PKD1L1: variants seen among roughly 807,000 people sequenced by gnomAD.
PKD1L1 encodes the protein polycystin-1-like protein 1.
Under a neutral mutation model 323.4 loss-of-function variants are expected in PKD1L1, and 236 were observed. That is an observed-to-expected ratio of 0.73 (90% CI 0.66 to 0.81). The LOEUF is 0.81. PKD1L1 is among the 40% of genes least tolerant of loss of function. PKD1L1 has a pLI of 0.00. For missense variants in PKD1L1, 3,320 were observed against 3,508.0 expected, an observed-to-expected ratio of 0.95 and a Z score of 1.35; for synonymous variants, 1,344 against 1,335.0, an observed-to-expected ratio of 1.01 and a Z score of -0.15.
At chr7:47,894,760 A>G (rs941768284) in intron 14 of PKD1L1, among the ~76,000 whole-genome samples, 1 of 151,908 alleles carries the variant, frequency 6.6e-6, no homozygotes, top group African/African-American at 2.4e-5. Flanking sequence ...CAGAGGCACA[A>G]GAATCGCTTG....
intron 24 of PKD1L1, 95 bp from the exon 25 acceptor site, chr7:47,866,709 T>C: frequency 9.5e-7 from 1 of 1,050,484 alleles, no homozygotes; most frequent in Non-Finnish European, 1.4e-6. Context: ...GTTGCAAAAA[T>C]ACCTCTTGGA....
chr7:47,878,276 C>T (rs145566523), intron 21 of PKD1L1, among the ~76,000 whole-genome samples: 232 of 152,292 alleles, frequency 1.5e-3, no homozygotes, highest in African/African-American at 5.1e-3. Context: ...CTAATACGCA[C>T]AATTATTATC....
At chr7:47,794,767 G>C (rs986031676) in intron 55 of PKD1L1, among the ~76,000 whole-genome samples, 1 of 152,204 alleles carries the variant, frequency 6.6e-6, no homozygotes, top group Non-Finnish European at 1.5e-5. Flanking sequence ...CAGGGGCAGA[G>C]CTGCCCAAGA....
At chr7:47,813,891 C>A in intron 48 of PKD1L1, 40 bp downstream of exon 48, 2 of 1,553,300 alleles carry the variant, frequency 1.3e-6, no homozygotes, top group South Asian at 1.1e-5. Flanking sequence ...TTCTCTAATT[C>A]CATTTATTCT....
chr7:47,861,618 C>G (rs1051110052), intron 26 of PKD1L1, among the ~76,000 whole-genome samples: 3 of 152,184 alleles, frequency 2.0e-5, no homozygotes, highest in Non-Finnish European at 2.9e-5. Flanking sequence ...TACGGTGGCT[C>G]ACGCCTGTAA....
In PKD1L1 at chr7:47,791,065, TTC is replaced by T. The variant is rs536226060; in HGVS notation, c.8526+1560_8526+1561del. ...CTAGTTTTAATAGATGTGAATCCAT[TTC>T]TTCCCTGGGACACAGTTCTTTTTTA... is the stretch of plus-strand genomic sequence containing the variant. On this transcript the variant is annotated intron_variant, in intron 56 of 56. Coordinates refer to ENST00000289672, the MANE Select transcript of PKD1L1 (RefSeq NM_138295.5). 3.9e-5 allele frequency among the ~76,000 whole-genome samples: 6 copies of T among 152,296 alleles called. No individual in the cohort carries two copies. In the East Asian group the frequency reaches 1.2e-3, roughly 29 times the overall value.
intron 55 of PKD1L1, chr7:47,795,234 T>C: frequency 2.6e-6 from 1 of 379,622 alleles, no homozygotes; most frequent in South Asian, 1.9e-5. Context: ...TCCCACATGT[T>C]GTGGGAGGGA....
chr7:47,946,274 C>G lies in PKD1L1; in HGVS notation c.44+2123G>C, dbSNP rs1333514296. Among the ~76,000 whole-genome samples the G allele has an allele frequency of 6.6e-6, 1 of 152,032 alleles. No individual in the cohort carries two copies. Among genetic ancestry groups the G allele is most frequent in the African/African-American group, 2.4e-5 (1 of 41,372 alleles). On this transcript the variant is annotated intron_variant, in intron 1 of 56. Coordinates refer to ENST00000289672, the MANE Select transcript of PKD1L1 (RefSeq NM_138295.5). The surrounding 1 kb of genome is among the most constrained non-coding windows in gnomAD (Gnocchi z 4.1). ...TTACATGACAGATCTCTTAGAATCC[C>G]TTAAGAGTGAGTGTTTTTCGGGGCC...
At chr7:47,794,593 A>T (rs1432918931) in intron 55 of PKD1L1, among the ~76,000 whole-genome samples, 1 of 152,172 alleles carries the variant, frequency 6.6e-6, no homozygotes, top group Non-Finnish European at 1.5e-5. Flanking sequence ...CTGCTAGGGC[A>T]GTGTGGAAGG....
chr7:47,811,989 C>G lies in PKD1L1; in HGVS notation c.7409G>C (p.Arg2470Thr), dbSNP rs1367939703. 1.9e-6 allele frequency: 3 copies of G among 1,592,508 alleles called. No homozygotes were observed. The highest frequency in any genetic ancestry group is 2.6e-6 in the Non-Finnish European group (3 of 1,169,608). Residue 2470 changes from arginine (R) to threonine (T), a missense_variant, in exon 50 of 57, where the codon AGG becomes ACG. Coordinates refer to ENST00000289672, the MANE Select transcript of PKD1L1 (RefSeq NM_138295.5). ...RASMWIDRST[R>T]AVSVHFTLYN... Reference sequence around the variant, plus strand: ...GAGAGTGAAGTGCACAGACACAGCCCTGGTGCTGCGGTCAATCCACATGCT... The same window carrying G: ...GAGAGTGAAGTGCACAGACACAGCCGTGGTGCTGCGGTCAATCCACATGCT...
chr7:47,893,946 G>A lies in PKD1L1; in HGVS notation c.2385C>T (p.Thr795=), dbSNP rs141659283. 21 of 1,613,926 alleles carry A rather than the reference G, an allele frequency of 1.3e-5. No homozygotes were observed. Among genetic ancestry groups the A allele is most frequent in the Middle Eastern group, 1.6e-4 (1 of 6,080 alleles). The change falls in exon 15 of 57, where the codon ACC becomes ACT. Residue 795 remains threonine, a synonymous_variant. Transcript: ENST00000289672. Reference sequence around the variant, plus strand: ...CTCTGAGGACAATGGGGGATGAGGTGGTCCTGGAGAAGAATAGGTGTGTGC... The same window carrying A: ...CTCTGAGGACAATGGGGGATGAGGTAGTCCTGGAGAAGAATAGGTGTGTGC... ...SEGTHLFFSR[T]TSSPIVLRGT... is the part of the protein sequence containing the mutation.
intron 21 of PKD1L1, among the ~76,000 whole-genome samples, chr7:47,879,505 C>T: frequency 6.6e-6 from 1 of 151,546 alleles, no homozygotes; most frequent in East Asian, 1.9e-4. Context: ...TGGTGGCAGG[C>T]AGCTGTAATC....
intron 52 of PKD1L1, among the ~76,000 whole-genome samples, chr7:47,805,562 T>G (rs1232957915): frequency 6.6e-6 from 1 of 152,244 alleles, no homozygotes; most frequent in Admixed American, 6.5e-5. Flanking sequence ...AAACATGGTC[T>G]ACACTGCACA....
At chr7:47,805,124 C>T (rs1784750929) in intron 52 of PKD1L1, among the ~76,000 whole-genome samples, 1 of 151,348 alleles carries the variant, frequency 6.6e-6, no homozygotes, top group Non-Finnish European at 1.5e-5. Context: ...CACACACATT[C>T]AAATCCTAGC....
intron 46 of PKD1L1, 76 bp downstream of exon 46, chr7:47,821,000 A>C: frequency 4.7e-6 from 4 of 842,916 alleles, no homozygotes; most frequent in Non-Finnish European, 7.8e-6. Context: ...TGGGATGTGA[A>C]ACATGGGGAA....
At chr7:47,811,672 G>T in intron 50 of PKD1L1, 145 bp downstream of exon 50, 1 of 670,724 alleles carries the variant, frequency 1.5e-6, no homozygotes, top group Non-Finnish European at 2.5e-6. Context: ...GATGCTTGCT[G>T]CAAGAAGGGG....
rs998671187 is a variant in PKD1L1 at position 47,894,022 on chromosome 7, C to T, written c.2309G>A (p.Cys770Tyr). Reference protein sequence around the residue: ...IEGSVVYSNYCVGLEVRAQAP... With the variant: ...IEGSVVYSNYYVGLEVRAQAP... ...CTGGGCTCGCACCTCCAGGCCCACA[C>T]AGTAGTTGCTGTACACCACACTGCC... Residue 770 changes from cysteine (C) to tyrosine (Y), a missense_variant, in exon 15 of 57, where the codon TGT (cysteine) becomes TAT (tyrosine). Cys to Tyr is a radical substitution (Grantham distance 194). Transcript: ENST00000289672. The T allele has an allele frequency of 6.2e-7, 1 of 1,603,748 alleles. No homozygotes were observed. The highest frequency in any genetic ancestry group is 8.5e-7 in the Non-Finnish European group (1 of 1,175,134).
intron 2 of PKD1L1, among the ~76,000 whole-genome samples, chr7:47,940,996 C>T (rs753478414): frequency 1.3e-5 from 2 of 152,200 alleles, no homozygotes; most frequent in African/African-American, 4.8e-5. Context: ...TCTACTCATG[C>T]AGATGTTTGA....
At chr7:47,959,736 G>A in the PKD1L1 span, among the ~76,000 whole-genome samples, 1 of 143,722 alleles carries the variant, frequency 7.0e-6, no homozygotes, top group Non-Finnish European at 1.6e-5. Flanking sequence ...GCCCCGTCCG[G>A]GAGGGAGGTG....
Sources: allele counts gnomAD v4.1 joint callset (sites outside exome capture counted in the v4.1 genomes callset), GRCh38; gene constraint gnomAD v4.1.1; non-coding constraint Gnocchi (gnomAD v3.1); transcripts MANE v1.5; gene names NCBI Gene and HGNC (gene_info 2026-07-23, HGNC 2026-07-21).